Variants in FOXP2 observed in about 807,000 individuals in gnomAD.
FOXP2 encodes forkhead box protein P2.
FOXP2 carries 12 observed loss-of-function variants against 115.8 expected under a neutral mutation model. The observed-to-expected ratio is 0.10, with a 90% CI of 0.07 to 0.17. FOXP2 has a LOEUF of 0.17. Among genes scored for constraint, FOXP2 ranks in the 10% least tolerant of loss-of-function variants. The pLI, the probability that FOXP2 is intolerant of heterozygous loss-of-function variation, is 1.00. For synonymous variants in FOXP2, 328 were observed against 297.7 expected (o/e 1.10, Z -1.05); for missense variants, 629 against 843.5 (o/e 0.75, Z 3.15).
At chr7:114,402,636 T>C (rs575840274) in intron 2 of FOXP2, among the ~76,000 whole-genome samples, 1 of 151,812 alleles carries the variant, frequency 6.6e-6, no homozygotes, top group Admixed American at 6.6e-5. Context: ...TTTTTTTTTT[T>C]TGAGACAGGG....
At chr7:114,294,875 C>CATACATACATACATGCATGCATGCATAT (rs1562858482) in intron 2 of FOXP2, among the ~76,000 whole-genome samples, 3 of 106,356 alleles carry the variant, frequency 2.8e-5, no homozygotes, top group Non-Finnish European at 6.4e-5. Flanking sequence ...TACATACATA[C>CATACATACATACATGCATGCATGCATAT]ATACATACAT....
chr7:114,105,236 T>G (rs1234283192), intron 1 of FOXP2, among the ~76,000 whole-genome samples: 1 of 152,050 alleles, frequency 6.6e-6, no homozygotes, highest in Non-Finnish European at 1.5e-5. Flanking sequence ...TTTAGCCTTT[T>G]GTCTCAATAT....
intron 2 of FOXP2, among the ~76,000 whole-genome samples, chr7:114,304,157 G>A (rs1282433931): frequency 6.6e-6 from 1 of 152,032 alleles, no homozygotes; most frequent in Non-Finnish European, 1.5e-5. Flanking sequence ...GCCACAGAAA[G>A]TAGCCTTTAG....
chr7:114,098,248 G>T (rs1295835271), intron 1 of FOXP2, among the ~76,000 whole-genome samples: 1 of 151,804 alleles, frequency 6.6e-6, no homozygotes, highest in Non-Finnish European at 1.5e-5. Flanking sequence ...ACATGAAGGA[G>T]GGAATCCTCA....
In FOXP2 at chr7:114,124,711, A is replaced by G. The variant is rs558956987; in HGVS notation, c.-247+36873A>G. Among the ~76,000 whole-genome samples the G allele has an allele frequency of 2.2e-3, 328 of 151,990 alleles. 2 individuals are homozygous for G. The highest frequency in any genetic ancestry group is 3.7e-3 in the Non-Finnish European group (253 of 67,886). On this transcript the variant is annotated intron_variant, in intron 1 of 19. Coordinates refer to the FOXP2 transcript ENST00000635638. The stretch of plus-strand genomic sequence containing the variant: ...TAGTATACATTTTCTTCTCATCCTC[A>G]TCCTCTTTCCTCTTCCCAACCCCCT...
chr7:114,426,751 A>G (rs1793872297), intron 2 of FOXP2, 72 bp downstream of exon 2: 2 of 1,466,644 alleles, frequency 1.4e-6, no homozygotes, highest in African/African-American at 1.4e-5. Context: ...AAATGTATTC[A>G]TAGCAAACTG....
At chr7:114,211,325 C>T (rs1017997666) in intron 1 of FOXP2, among the ~76,000 whole-genome samples, 60 of 152,160 alleles carry the variant, frequency 3.9e-4, no homozygotes, top group African/African-American at 1.4e-3. Context: ...TGTATCAGAC[C>T]CAAGTCCCTG....
chr7:114,553,173 C>T (rs1481742127), intron 3 of FOXP2, among the ~76,000 whole-genome samples: 3 of 152,012 alleles, frequency 2.0e-5, no homozygotes, highest in Non-Finnish European at 2.9e-5. Flanking sequence ...GTTATGGAAA[C>T]GAATATAGAG....
At chr7:114,188,815 A>G (rs929831979) in intron 1 of FOXP2, among the ~76,000 whole-genome samples, 6 of 152,202 alleles carry the variant, frequency 3.9e-5, no homozygotes, top group Admixed American at 6.5e-5. Context: ...ACCTTTGTAG[A>G]TCAGTAAATA....
intron 3 of FOXP2, among the ~76,000 whole-genome samples, chr7:114,609,631 T>C (rs2129317464): frequency 6.6e-6 from 1 of 152,330 alleles, no homozygotes; most frequent in Admixed American, 6.5e-5. Flanking sequence ...ACATTTTCTC[T>C]TTTGAGCCTT....
chr7:114,572,676 A>C (rs1448781625), intron 3 of FOXP2, among the ~76,000 whole-genome samples: 2 of 151,832 alleles, frequency 1.3e-5, no homozygotes, highest in Non-Finnish European at 1.5e-5. Flanking sequence ...GTTTTCGTTA[A>C]ACTGAAGAGT....
intron 1 of FOXP2, among the ~76,000 whole-genome samples, chr7:114,238,508 C>T (rs1342800983): frequency 1.3e-5 from 2 of 152,196 alleles, no homozygotes; most frequent in Non-Finnish European, 2.9e-5. Context: ...CGAAGTGGCT[C>T]ACGCCTGCAG....
intron 2 of FOXP2, among the ~76,000 whole-genome samples, chr7:114,465,458 G>A (rs1049062436): frequency 6.6e-6 from 1 of 152,246 alleles, no homozygotes; most frequent in South Asian, 2.1e-4. Flanking sequence ...AGTGATTAGA[G>A]CCCATTTTAT....
intron 2 of FOXP2, among the ~76,000 whole-genome samples, chr7:114,470,327 C>T (rs1206249190): frequency 6.6e-6 from 1 of 152,160 alleles, no homozygotes; most frequent in African/African-American, 2.4e-5. Flanking sequence ...ACATACCATG[C>T]TAGTTCCTAT....
At chr7:114,087,896 G>A (rs1266604919) in intron 1 of FOXP2, 1 of 152,096 alleles carries the variant, frequency 6.6e-6, no homozygotes, top group Admixed American at 6.6e-5. Flanking sequence ...AGGAACGTGA[G>A]GGGAAGAACG....
At chr7:114,402,999 A>G (rs1792925300) in intron 2 of FOXP2, among the ~76,000 whole-genome samples, 1 of 152,110 alleles carries the variant, frequency 6.6e-6, no homozygotes, top group Admixed American at 6.6e-5. Context: ...TACCAGCTAC[A>G]TCTATGTTCA....
chr7:114,225,501 G>A lies in FOXP2; in HGVS notation c.-102+62413G>A, dbSNP rs1479502719. ...TCTCCATTGCCCAGGGTGGAGTGCA[G>A]TAGCATGATCATGGATCACTGCAAC... On this transcript the variant is annotated intron_variant, in intron 1 of 17. Coordinates refer to the FOXP2 transcript ENST00000634411. Among the ~76,000 whole-genome samples, 6 of 151,978 alleles carry A rather than the reference G, an allele frequency of 3.9e-5. No individual in the cohort carries two copies. In the East Asian group the frequency reaches 7.7e-4, roughly 20 times the overall value.
At chr7:114,411,474 G>A (rs79606018), upstream of FOXP2, among the ~76,000 whole-genome samples, 12,128 of 152,122 alleles carry the variant, frequency 0.08, 516 homozygotes, top group Middle Eastern at 0.16. Flanking sequence ...ATGGAGACTT[G>A]ACCATTTTTG....
intron 3 of FOXP2, 52 bp downstream of exon 3, chr7:114,534,758 TG>T: frequency 7.1e-7 from 1 of 1,412,044 alleles, no homozygotes; most frequent in South Asian, 1.1e-5. Context: ...ATGTTCATAA[TG>T]ATAACAGATG....
Sources: gnomAD v4.1 joint callset for allele counts (sites outside exome capture counted in the v4.1 genomes callset) on GRCh38, gnomAD v4.1.1 for gene constraint, MANE v1.5 for transcripts, NCBI Gene and HGNC (gene_info 2026-07-23, HGNC 2026-07-21) for gene names.